Variants in DAB1 observed in about 807,000 individuals in gnomAD.
The protein encoded by DAB1 is disabled homolog 1.
In DAB1, 15 loss-of-function variants were observed where a neutral mutation model predicts 64.6. The observed-to-expected ratio is 0.23, with a 90% CI of 0.16 to 0.36. DAB1 has a LOEUF of 0.36. Ranked by LOEUF, DAB1 falls within the 10% of genes least tolerant of loss-of-function variation. The pLI is 1.00. For synonymous variants in DAB1, 235 were observed against 251.9 expected (o/e 0.93, Z 0.64); for missense variants, 596 against 706.7 (o/e 0.84, Z 1.78).
chr1:58,434,916 T>A (rs1423057608), intron 3 of DAB1, among the ~76,000 whole-genome samples: 2 of 152,212 alleles, frequency 1.3e-5, no homozygotes, highest in East Asian at 3.8e-4. Context: ...TTACCAAAGC[T>A]TCTTCCTCCA....
intron 7 of DAB1, among the ~76,000 whole-genome samples, chr1:57,525,005 A>C (rs982175980): frequency 3.9e-5 from 6 of 152,352 alleles, no homozygotes; most frequent in African/African-American, 1.4e-4. Context: ...TTTAGAGAAA[A>C]TGATTTACAA....
intron 3 of DAB1, among the ~76,000 whole-genome samples, chr1:57,138,387 G>A (rs1431610157): frequency 3.3e-5 from 5 of 152,202 alleles, no homozygotes; most frequent in East Asian, 3.9e-4. Flanking sequence ...ACTTGGTGCC[G>A]GGACCAGTGA....
intron 6 of DAB1, among the ~76,000 whole-genome samples, chr1:57,720,079 A>G (rs1434910495): frequency 6.6e-6 from 1 of 152,106 alleles, no homozygotes; most frequent in African/African-American, 2.4e-5. Flanking sequence ...TTAGAGTCAC[A>G]CTCCTCAAGA....
intron 1 of DAB1, among the ~76,000 whole-genome samples, chr1:57,409,933 A>G (rs1235541687): frequency 1.3e-5 from 2 of 152,346 alleles, no homozygotes; most frequent in Admixed American, 1.3e-4. Context: ...CCACCTCTCA[A>G]CTACTCTCAA....
chr1:58,464,580 T>C (rs1456446696), intron 3 of DAB1, among the ~76,000 whole-genome samples: 1 of 152,220 alleles, frequency 6.6e-6, no homozygotes, highest in Non-Finnish European at 1.5e-5. Context: ...GCCTTGTGAA[T>C]GTTATTTAAC....
At chr1:58,293,886 C>G (rs1423851575) in intron 4 of DAB1, among the ~76,000 whole-genome samples, 1 of 152,200 alleles carries the variant, frequency 6.6e-6, no homozygotes, top group Non-Finnish European at 1.5e-5. Flanking sequence ...CTCTTTAGAG[C>G]AGGACTGGCT....
At chr1:58,290,642 A>G (rs1661796774) in intron 4 of DAB1, among the ~76,000 whole-genome samples, 1 of 152,196 alleles carries the variant, frequency 6.6e-6, no homozygotes, top group African/African-American at 2.4e-5. Context: ...TCGTCTCTGA[A>G]GCTCTGAATA....
chr1:58,426,873 G>A (rs1644825878), intron 3 of DAB1, among the ~76,000 whole-genome samples: 1 of 152,216 alleles, frequency 6.6e-6, no homozygotes, highest in African/African-American at 2.4e-5. Context: ...AGTCAGGGAG[G>A]AATCAGGACT....
At chr1:57,429,354 G>C (rs1352512005) in intron 7 of DAB1, among the ~76,000 whole-genome samples, 1 of 152,112 alleles carries the variant, frequency 6.6e-6, no homozygotes, top group African/African-American at 2.4e-5. Flanking sequence ...GTCTACTATT[G>C]AGTTGTAATG....
At chr1:57,023,180 T>C (rs1159344234) in intron 11 of DAB1, among the ~76,000 whole-genome samples, 3 of 152,230 alleles carry the variant, frequency 2.0e-5, no homozygotes, top group Non-Finnish European at 4.4e-5. Flanking sequence ...GCTGACTCCG[T>C]GTCCTCCCCT....
chr1:58,528,139 A>G (rs777532581), intron 1 of DAB1, among the ~76,000 whole-genome samples: 2 of 152,190 alleles, frequency 1.3e-5, no homozygotes, highest in Non-Finnish European at 2.9e-5. Flanking sequence ...TTCCTTTTCA[A>G]TCAGTCTGTT....
chr1:57,116,639 A>G (rs1009937254), intron 4 of DAB1, among the ~76,000 whole-genome samples: 3 of 151,958 alleles, frequency 2.0e-5, no homozygotes, highest in Admixed American at 6.6e-5. Context: ...TGTCTCCCCA[A>G]CTCATACAAT....
intron 5 of DAB1, among the ~76,000 whole-genome samples, chr1:57,957,459 A>G (rs1347701874): frequency 6.6e-6 from 1 of 152,198 alleles, no homozygotes; most frequent in Non-Finnish European, 1.5e-5. Flanking sequence ...TTTTGAACAT[A>G]TTGGCTTTGA....
intron 5 of DAB1, among the ~76,000 whole-genome samples, chr1:57,907,549 A>G (rs1644571236): frequency 6.6e-6 from 1 of 152,190 alleles, no homozygotes; most frequent in Non-Finnish European, 1.5e-5. Flanking sequence ...TAAGCAATGT[A>G]TATGTATTAG....
chr1:57,831,705 C>A (rs1652598701), intron 1 of DAB1, among the ~76,000 whole-genome samples: 2 of 151,900 alleles, frequency 1.3e-5, no homozygotes, highest in South Asian at 2.1e-4. Context: ...ATTGTGCCTG[C>A]CTAATTTTTT....
At chr1:57,885,150 T>C (rs1225618615), upstream of DAB1, among the ~76,000 whole-genome samples, 4 of 152,376 alleles carry the variant, frequency 2.6e-5, no homozygotes, top group East Asian at 7.7e-4. Flanking sequence ...TGTTAGATTA[T>C]AAGCCATAAT....
intron 5 of DAB1, among the ~76,000 whole-genome samples, chr1:58,090,928 T>C (rs1177477081): frequency 6.6e-6 from 1 of 152,216 alleles, no homozygotes; most frequent in Non-Finnish European, 1.5e-5. Context: ...GAGACTTATA[T>C]AGTTTAGCTG....
intron 2 of DAB1, among the ~76,000 whole-genome samples, chr1:57,195,159 T>A (rs1664521151): frequency 6.6e-6 from 1 of 152,186 alleles, no homozygotes; most frequent in Non-Finnish European, 1.5e-5. Context: ...ATAGCACTCT[T>A]ATTCCTTCAT....
intron 3 of DAB1, among the ~76,000 whole-genome samples, chr1:58,344,305 A>C (rs997590811): frequency 6.6e-6 from 1 of 152,218 alleles, no homozygotes; most frequent in African/African-American, 2.4e-5. Context: ...ATCCTCAAGC[A>C]TCAGTGATTA....
Sources: gnomAD v4.1 joint callset for allele counts (sites outside exome capture counted in the v4.1 genomes callset) on GRCh38, gnomAD v4.1.1 for gene constraint, MANE v1.5 for transcripts, NCBI Gene and HGNC (gene_info 2026-07-23, HGNC 2026-07-21) for gene names.